Variants in ATP10B observed in about 807,000 individuals in gnomAD.
ATP10B encodes ATPase phospholipid transporting 10B (putative), also known as phospholipid-transporting ATPase VB.
A neutral mutation model predicts 141.2 loss-of-function variants in ATP10B; 122 were observed. The ratio of observed to expected loss-of-function variants is 0.86; its 90% CI spans 0.75 to 1.00. ATP10B has a LOEUF of 1.00. ATP10B is among the 50% of genes least tolerant of loss of function. ATP10B has a pLI of 0.00. For synonymous variants in ATP10B, 685 were observed against 692.0 expected, an observed-to-expected ratio of 0.99 and a Z score of 0.16; for missense variants, 1,876 against 1,825.3, an observed-to-expected ratio of 1.03 and a Z score of -0.51.
Position 160,770,919 on chromosome 5 carries a change from C to T in ATP10B, c.-331+14640G>A, listed in dbSNP as rs114821900. Reference sequence around the variant, plus strand: ...TTTCTATAGCGTAGGTATTTGCATACTCAGCATATATTGGGTGGACACCAT... The same window carrying T: ...TTTCTATAGCGTAGGTATTTGCATATTCAGCATATATTGGGTGGACACCAT... On this transcript the variant is annotated intron_variant, in intron 2 of 25. Transcript: ENST00000327245. Among the ~76,000 whole-genome samples the T allele has an allele frequency of 7.6e-3, 1,160 of 152,252 alleles. 10 individuals are homozygous for T. The highest frequency in any genetic ancestry group is 0.026 in the African/African-American group (1,086 of 41,534).
chr5:160,787,637 T>C (rs1478576525), intron 1 of ATP10B, among the ~76,000 whole-genome samples: 1 of 152,164 alleles, frequency 6.6e-6, no homozygotes, highest in Non-Finnish European at 1.5e-5. Flanking sequence ...TAATAAATGC[T>C]CTTGTGAAAG....
At chr5:160,854,725 C>T (rs2127994838), upstream of ATP10B, among the ~76,000 whole-genome samples, 1 of 152,190 alleles carries the variant, frequency 6.6e-6, no homozygotes, top group East Asian at 1.9e-4. Context: ...GTTCTAGATC[C>T]TTGAAGAATC....
intron 1 of ATP10B, among the ~76,000 whole-genome samples, chr5:160,825,238 T>C (rs111783146): frequency 0.012 from 1,763 of 152,302 alleles, 19 homozygotes; most frequent in Middle Eastern, 0.044. Context: ...ATGAGTGATA[T>C]GGTTTGGCTG....
At chr5:160,766,128 T>C (rs879329220) in intron 2 of ATP10B, among the ~76,000 whole-genome samples, 3 of 148,198 alleles carry the variant, frequency 2.0e-5, no homozygotes, top group Non-Finnish European at 4.5e-5. Flanking sequence ...GTATAACCGC[T>C]GTGGAAAACA....
chr5:160,636,435 C>T (rs780690882), intron 10 of ATP10B, 126 bp from the exon 11 acceptor site: 1 of 966,696 alleles, frequency 1.0e-6, no homozygotes, highest in Non-Finnish European at 1.5e-6. Context: ...TTCTTCCATA[C>T]AATGTAGCTC....
chr5:160,861,385 A>G, the ATP10B span, among the ~76,000 whole-genome samples: 1 of 151,910 alleles, frequency 6.6e-6, no homozygotes, highest in Non-Finnish European at 1.5e-5. Flanking sequence ...TGATTATGGA[A>G]TGAAACTTGT....
intron 2 of ATP10B, among the ~76,000 whole-genome samples, chr5:160,753,124 G>A (rs1320752713): frequency 1.3e-5 from 2 of 152,176 alleles, no homozygotes; most frequent in Non-Finnish European, 1.5e-5. Flanking sequence ...CAGAATCATT[G>A]ATTCAAAAAG....
intron 2 of ATP10B, among the ~76,000 whole-genome samples, chr5:160,755,828 AAAAAAAAAAAATATATATATATATATAT>A (rs1768515426): frequency 1.4e-5 from 1 of 71,110 alleles, no homozygotes; most frequent in African/African-American, 5.5e-5. Flanking sequence ...AAAAAAAAAA[AAAAAAAAAAAATATATATATATATATAT>A]ATATATATAT....
chr5:160,688,139 G>T, intron 4 of ATP10B, 45 bp from the exon 5 acceptor site: 1 of 1,559,726 alleles, frequency 6.4e-7, no homozygotes, highest in African/African-American at 1.3e-5. Context: ...GAAACGTGCA[G>T]CATGTTGGCC....
chr5:160,579,826 CCT>C (rs1236239983), intron 24 of ATP10B, among the ~76,000 whole-genome samples: 1 of 152,102 alleles, frequency 6.6e-6, no homozygotes, highest in Non-Finnish European at 1.5e-5. Flanking sequence ...TTGTTTGTGT[CCT>C]CTCTTATTTC....
At chr5:160,715,196 G>T (rs1012805846) in intron 3 of ATP10B, among the ~76,000 whole-genome samples, 2 of 143,808 alleles carry the variant, frequency 1.4e-5, no homozygotes, top group East Asian at 2.0e-4. Context: ...GGGCAATGGC[G>T]GGCGCCCCTC....
At chr5:160,733,785 G>A (rs1386219364) in intron 2 of ATP10B, among the ~76,000 whole-genome samples, 1 of 151,648 alleles carries the variant, frequency 6.6e-6, no homozygotes, top group Non-Finnish European at 1.5e-5. Context: ...AATCAACTCA[G>A]AATTATATAA....
chr5:160,567,437 T>C (rs529485083), intron 25 of ATP10B, among the ~76,000 whole-genome samples: 1 of 152,294 alleles, frequency 6.6e-6, no homozygotes, highest in African/African-American at 2.4e-5. Context: ...ATAACTATAG[T>C]CACATGTTAA....
intron 18 of ATP10B, among the ~76,000 whole-genome samples, chr5:160,610,067 G>T (rs2127636125): frequency 6.6e-6 from 1 of 152,222 alleles, no homozygotes; most frequent in East Asian, 1.9e-4. Context: ...GGTTCCCAGT[G>T]ATCTCCACTT....
chr5:160,584,236 G>C (rs1341555708), intron 24 of ATP10B, among the ~76,000 whole-genome samples: 1 of 152,202 alleles, frequency 6.6e-6, no homozygotes, highest in African/African-American at 2.4e-5. Flanking sequence ...ATCTGGGCCA[G>C]AGTAGACTGT....
intron 2 of ATP10B, among the ~76,000 whole-genome samples, chr5:160,725,186 A>G (rs1766250346): frequency 6.6e-6 from 1 of 152,226 alleles, no homozygotes; most frequent in South Asian, 2.1e-4. Flanking sequence ...AAAATAGATG[A>G]AGAAAGGAGG....
At chr5:160,918,426 G>A in the ATP10B span, among the ~76,000 whole-genome samples, 1 of 152,132 alleles carries the variant, frequency 6.6e-6, no homozygotes, top group Admixed American at 6.5e-5. Context: ...AAAATCAGCA[G>A]GAGAGGTAGG....
intron 2 of ATP10B, among the ~76,000 whole-genome samples, chr5:160,761,719 A>G (rs914813437): frequency 6.6e-6 from 1 of 152,246 alleles, no homozygotes; most frequent in Non-Finnish European, 1.5e-5. Flanking sequence ...CCAGCAATGA[A>G]TCCAAACCAA....
intron 13 of ATP10B, among the ~76,000 whole-genome samples, chr5:160,624,091 C>T (rs532758840): frequency 2.6e-4 from 39 of 152,234 alleles, no homozygotes; most frequent in African/African-American, 7.9e-4. Flanking sequence ...AGCTAAATCA[C>T]GGTTTAGAAG....
Sources: allele counts gnomAD v4.1 joint callset (sites outside exome capture counted in the v4.1 genomes callset), GRCh38; gene constraint gnomAD v4.1.1; transcripts MANE v1.5; gene names NCBI Gene and HGNC (gene_info 2026-07-23, HGNC 2026-07-21).